SLC44A2: variants seen among roughly 807,000 people sequenced by gnomAD.
SLC44A2 encodes the protein choline transporter-like protein 2.
In SLC44A2, 57 loss-of-function variants were observed where a neutral mutation model predicts 90.8. The ratio of observed to expected loss-of-function variants is 0.63; its 90% CI spans 0.51 to 0.78. SLC44A2 has a LOEUF of 0.78. Ranked by LOEUF, SLC44A2 falls within the 30% of genes least tolerant of loss-of-function variation. SLC44A2 has a pLI of 0.00. For synonymous variants in SLC44A2, 355 were observed against 360.7 expected (o/e 0.98, Z 0.18); for missense variants, 794 against 919.7 (o/e 0.86, Z 1.77).
chr19:10,622,131 G>A (rs572883162), upstream of SLC44A2, among the ~76,000 whole-genome samples: 360 of 152,334 alleles, frequency 2.4e-3, 1 homozygote, highest in African/African-American at 7.8e-3. Context: ...AGCATTCTAA[G>A]CAGAGGGACC....
chr19:10,617,441 GTGTATGCCAGGCACCTCTCTC>G lies in SLC44A2; in HGVS notation c.32-8809_32-8789del, dbSNP rs369674629. On this transcript the variant is annotated intron_variant, in intron 1 of 21. Coordinates refer to the SLC44A2 transcript ENST00000407327. ...CCCACAAAGCCAGGCCTTGAGCCAA[GTGTATGCCAGGCACCTCTCTC>G]TGCATTTTCAGCTCCATCTCACAGA... is the stretch of plus-strand genomic sequence containing the variant. Among the ~76,000 whole-genome samples, 714 of 152,272 alleles carry G rather than the reference GTGTATGCCAGGCACCTCTCTC, an allele frequency of 4.7e-3. 2 individuals are homozygous for G. The highest frequency in any genetic ancestry group is 0.016 in the African/African-American group (658 of 41,548).
rs915066005 is a variant in SLC44A2, at chr19:10,643,765, G to A, written c.*380G>A. 2 of 193,496 alleles carry A rather than the reference G, an allele frequency of 1.0e-5. No individual in the cohort carries two copies. The highest frequency in any genetic ancestry group is 2.1e-5 in the Non-Finnish European group (2 of 93,252). 12.0% of individuals were successfully genotyped at this position (193,496 alleles called of 1,614,324 possible). ...GTGTCTGAGGGAGCTGCTGGCCACA[G>A]TGAACACCCACGTTTATTCCTGCCT... On this transcript the variant is annotated 3_prime_UTR_variant, in exon 22 of 22. Coordinates refer to ENST00000335757, the MANE Select transcript of SLC44A2 (RefSeq NM_020428.4).
chr19:10,608,805 C>T (rs1486123016), intron 1 of SLC44A2, among the ~76,000 whole-genome samples: 2 of 151,420 alleles, frequency 1.3e-5, no homozygotes, highest in African/African-American at 4.9e-5. Context: ...TTCGAGTTAC[C>T]GTGCCCGATT....
chr19:10,642,269 C>A, intron 20 of SLC44A2, 98 bp from the exon 21 acceptor site: 1 of 974,834 alleles, frequency 1.0e-6, no homozygotes, highest in South Asian at 1.3e-5. Flanking sequence ...GGTTTCTCAG[C>A]AGGGGAAGGA....
intron 6 of SLC44A2, 32 bp from the exon 7 acceptor site, chr19:10,631,443 G>A (rs1167610896): frequency 6.2e-7 from 1 of 1,614,060 alleles, no homozygotes; most frequent in Admixed American, 1.7e-5. Flanking sequence ...TACTAGACTT[G>A]GGGACTCACC....
intron 1 of SLC44A2, among the ~76,000 whole-genome samples, chr19:10,608,698 T>C (rs1285313065): frequency 6.6e-6 from 1 of 151,656 alleles, no homozygotes; most frequent in Non-Finnish European, 1.5e-5. Flanking sequence ...CACCCAGGGT[T>C]AAGTGCAGTG....
intron 12 of SLC44A2, 30 bp downstream of exon 12, chr19:10,635,103 T>C: frequency 4.3e-6 from 7 of 1,612,982 alleles, no homozygotes; most frequent in Non-Finnish European, 5.9e-6. Flanking sequence ...GGGGCCAGGA[T>C]GGAGCTGTCC....
At chr19:10,630,764 G>C (rs532696794) in intron 4 of SLC44A2, among the ~76,000 whole-genome samples, 1 of 151,970 alleles carries the variant, frequency 6.6e-6, no homozygotes, top group South Asian at 2.1e-4. Context: ...AACACTTTGG[G>C]AGGCCAAGGC....
chr19:10,618,482 T>C (rs1354281840), intron 1 of SLC44A2, among the ~76,000 whole-genome samples: 5 of 12,428 alleles, frequency 4.0e-4, no homozygotes, highest in Non-Finnish European at 1.0e-3. Flanking sequence ...GCCTTTTTTT[T>C]TTTTTTTTTT....
chr19:10,633,970 TCTA>T (rs1599252388), intron 10 of SLC44A2, among the ~76,000 whole-genome samples: 2 of 97,122 alleles, frequency 2.1e-5, no homozygotes, highest in East Asian at 6.3e-4. Flanking sequence ...AAACCCCATC[TCTA>T]TTTTTTTTTT....
intron 4 of SLC44A2, among the ~76,000 whole-genome samples, chr19:10,630,224 A>G (rs1184088028): frequency 1.3e-5 from 2 of 152,052 alleles, no homozygotes; most frequent in South Asian, 4.1e-4. Context: ...GGTTGCGCAC[A>G]CCCGTAGTCT....
At chr19:10,627,897 A>G in intron 3 of SLC44A2, 23 bp from the exon 4 acceptor site, 5 of 1,612,994 alleles carry the variant, frequency 3.1e-6, no homozygotes, top group South Asian at 1.1e-5. Context: ...GCAGTGTCTC[A>G]GTATCCCTGG....
chr19:10,613,133 C>G (rs1489700596), intron 1 of SLC44A2, among the ~76,000 whole-genome samples: 1 of 152,194 alleles, frequency 6.6e-6, no homozygotes, highest in African/African-American at 2.4e-5. Context: ...TCACAGCTCA[C>G]TGCAGCCTCT....
In SLC44A2 at chr19:10,643,422, C is replaced by G; in HGVS notation, c.*37C>G. 1 of 1,582,458 alleles carries G rather than the reference C, an allele frequency of 6.3e-7. No homozygotes were observed. The highest frequency in any genetic ancestry group is 1.1e-5 in the South Asian group (1 of 87,464). ...TCCCCACCTCTCAAGGAGTCTCATG[C>G]CGCAGGGTGCTCAGTAGCTGGGTCT... On this transcript the variant is annotated 3_prime_UTR_variant, in exon 22 of 22. Transcript: ENST00000335757.
chr19:10,619,267 A>G (rs1418560215), intron 1 of SLC44A2, among the ~76,000 whole-genome samples: 1 of 151,330 alleles, frequency 6.6e-6, no homozygotes, highest in Admixed American at 6.6e-5. Flanking sequence ...AGTCCCTACA[A>G]AAAAATATAA....
At position 10,631,747 on chromosome 19, in the gene SLC44A2, C is replaced by T. The variant is rs1249011138; in HGVS notation, c.624C>T (p.Ala208=). The change falls in exon 8 of 22, where the codon GCC becomes GCT. Residue 208 remains alanine (A), a splice_region_variant and synonymous_variant. Coordinates refer to ENST00000335757, the MANE Select transcript of SLC44A2 (RefSeq NM_020428.4). Reference sequence around the variant, plus strand: ...ACATCACAGACCTGGTGGAGGGCGCCAAGTGAGGATATTGGCGCACCGCGC... The same window carrying T: ...ACATCACAGACCTGGTGGAGGGCGCTAAGTGAGGATATTGGCGCACCGCGC... ...RKNITDLVEG[A]KKANGVLEAR... 4 of 1,613,530 alleles carry T rather than the reference C, an allele frequency of 2.5e-6. No homozygotes were observed. Among genetic ancestry groups the T allele is most frequent in the Non-Finnish European group, 2.5e-6 (3 of 1,180,046 alleles).
chr19:10,605,030 A>C (rs930749295), intron 1 of SLC44A2, among the ~76,000 whole-genome samples: 4 of 152,000 alleles, frequency 2.6e-5, no homozygotes, highest in African/African-American at 7.3e-5. Context: ...CAAAACAATA[A>C]ACTCTGACCA....
chr19:10,624,962 C>A (rs2066918333), upstream of SLC44A2, among the ~76,000 whole-genome samples: 1 of 152,088 alleles, frequency 6.6e-6, no homozygotes, highest in Non-Finnish European at 1.5e-5. Flanking sequence ...TAGCAACATC[C>A]CATCTCTACA....
rs1182725096 is a variant in SLC44A2, at chr19:10,637,345, C to A, written c.1592-299C>A. On this transcript the variant is annotated intron_variant, in intron 16 of 21. Transcript: ENST00000335757. Reference sequence around the variant, plus strand: ...CCAGCCTGGGCAACAGAGCGAGACTCCATTTCAAAAAAAGGAAAAAAAACT... The same window carrying A: ...CCAGCCTGGGCAACAGAGCGAGACTACATTTCAAAAAAAGGAAAAAAAACT... Among the ~76,000 whole-genome samples, 3 of 151,910 alleles carry A rather than the reference C, an allele frequency of 2.0e-5. No individual in the cohort carries two copies. The East Asian group carries it at 5.8e-4, about 29-fold the overall frequency.
Sources: allele counts gnomAD v4.1 joint callset (sites outside exome capture counted in the v4.1 genomes callset), GRCh38; gene constraint gnomAD v4.1.1; transcripts MANE v1.5; gene names NCBI Gene and HGNC (gene_info 2026-07-23, HGNC 2026-07-21).